The following FAM13C variants were observed in gnomAD, a reference collection of about 807,000 sequenced individuals.
FAM13C encodes protein FAM13C.
Under a neutral mutation model 73.2 loss-of-function variants are expected in FAM13C, and 37 were observed. The ratio of observed to expected loss-of-function variants is 0.51; its 90% CI spans 0.39 to 0.67. The LOEUF (loss-of-function observed/expected upper bound fraction) is 0.67, where lower values mean the gene tolerates loss of function less well. Ranked by LOEUF, FAM13C falls within the 30% of genes least tolerant of loss-of-function variation. The pLI is 0.00. For synonymous variants in FAM13C, 246 were observed against 260.9 expected (o/e 0.94, Z 0.55); for missense variants, 589 against 715.6 (o/e 0.82, Z 2.02).
chr10:59,338,555 G>A (rs2134157780), intron 3 of FAM13C, among the ~76,000 whole-genome samples: 1 of 152,302 alleles, frequency 6.6e-6, no homozygotes, highest in Non-Finnish European at 1.5e-5. Context: ...ATGATTTTGA[G>A]AAAGTCAGGC....
chr10:59,267,155 G>A (rs1267198238), intron 8 of FAM13C, among the ~76,000 whole-genome samples: 1 of 152,190 alleles, frequency 6.6e-6, no homozygotes, highest in Non-Finnish European at 1.5e-5. Flanking sequence ...GTTAACAGGT[G>A]CTGGGAATGG....
chr10:59,350,046 T>C (rs1854826792), intron 3 of FAM13C, among the ~76,000 whole-genome samples: 1 of 152,202 alleles, frequency 6.6e-6, no homozygotes, highest in Non-Finnish European at 1.5e-5. Flanking sequence ...ATACATTCAA[T>C]AATAATCTGT....
In FAM13C at chr10:59,345,032, C is replaced by T. The variant is rs58920106; in HGVS notation, c.324+7238G>A. 7.6e-3 allele frequency among the ~76,000 whole-genome samples: 1,154 copies of T among 152,144 alleles called. 21 individuals carry two copies. The highest frequency in any genetic ancestry group is 0.026 in the African/African-American group (1,083 of 41,492). On this transcript the variant is annotated intron_variant, in intron 3 of 13. Coordinates refer to ENST00000618804, the MANE Select transcript of FAM13C (RefSeq NM_198215.4). Reference sequence around the variant, plus strand: ...CTCTTTGGAACTATATAGGAAAAACCGTAAATTCTTTAAATTAGAATTTAT... The same window carrying T: ...CTCTTTGGAACTATATAGGAAAAACTGTAAATTCTTTAAATTAGAATTTAT...
rs750307418 is a variant in FAM13C at position 59,352,484 on chromosome 10, G to A, written c.120-10C>T. 5 of 1,591,220 alleles carry A rather than the reference G, an allele frequency of 3.1e-6. No homozygotes were observed. The East Asian group carries it at 1.1e-4, about 36-fold the overall frequency. On this transcript the variant is annotated splice_polypyrimidine_tract_variant and intron_variant, in intron 2 of 13. Transcript: ENST00000618804. ...TTTATTGTTTTCATCTCTAAAACAG[G>A]AAAGACCCAATTTAGAAAGTACCTT...
intron 3 of FAM13C, among the ~76,000 whole-genome samples, chr10:59,342,272 T>C (rs1186784831): frequency 1.3e-5 from 2 of 151,996 alleles, no homozygotes; most frequent in Admixed American, 1.3e-4. Flanking sequence ...GTTTGAACAC[T>C]AAAAATAAAA....
intron 4 of FAM13C, among the ~76,000 whole-genome samples, chr10:59,305,423 T>C (rs1019345936): frequency 2.0e-5 from 3 of 152,354 alleles, no homozygotes; most frequent in African/African-American, 7.2e-5. Flanking sequence ...GTTATCTTAA[T>C]GAATAAGAGA....
chr10:59,295,309 CAG>C (rs1846775507), intron 5 of FAM13C, among the ~76,000 whole-genome samples: 3 of 152,204 alleles, frequency 2.0e-5, no homozygotes, highest in South Asian at 4.1e-4. Flanking sequence ...TTAAAATGCA[CAG>C]AGTTTCTTCC....
At chr10:59,307,282 GT>G (rs1380484243) in intron 4 of FAM13C, among the ~76,000 whole-genome samples, 1 of 152,120 alleles carries the variant, frequency 6.6e-6, no homozygotes, top group East Asian at 1.9e-4. Flanking sequence ...ATAAGGTCAT[GT>G]GGGCAGATTC....
At chr10:59,356,649 C>T (rs1855742982) in intron 1 of FAM13C, among the ~76,000 whole-genome samples, 1 of 152,202 alleles carries the variant, frequency 6.6e-6, no homozygotes, top group African/African-American at 2.4e-5. Context: ...GTTTCCCCAG[C>T]TCTGTACCTT....
intron 12 of FAM13C, 39 bp downstream of exon 12, chr10:59,252,760 G>T (rs1841517593): frequency 6.3e-7 from 1 of 1,590,850 alleles, no homozygotes; most frequent in Non-Finnish European, 8.6e-7. Context: ...AGACCAGAAG[G>T]AGTTAAGAGG....
At chr10:59,341,412 G>C (rs928808843) in intron 3 of FAM13C, among the ~76,000 whole-genome samples, 2 of 152,186 alleles carry the variant, frequency 1.3e-5, no homozygotes, top group Non-Finnish European at 2.9e-5. Context: ...CCCTGGCCAG[G>C]CGCAGTGGCT....
intron 3 of FAM13C, among the ~76,000 whole-genome samples, chr10:59,336,778 G>C (rs1017243130): frequency 1.8e-4 from 27 of 152,186 alleles, no homozygotes; most frequent in African/African-American, 6.5e-4. Context: ...TAAAAGTTCA[G>C]TCTCCTCAGC....
intron 1 of FAM13C, 59 bp downstream of exon 1, chr10:59,362,340 C>T (rs767483690): frequency 3.0e-5 from 47 of 1,591,068 alleles, no homozygotes; most frequent in Admixed American, 2.3e-4. Flanking sequence ...GATACCTTCA[C>T]GATAGTTGCT....
At chr10:59,256,149 C>A (rs1841927888) in intron 10 of FAM13C, among the ~76,000 whole-genome samples, 1 of 151,918 alleles carries the variant, frequency 6.6e-6, no homozygotes, top group African/African-American at 2.4e-5. Flanking sequence ...GAAAAAAAAC[C>A]CAACAAGTTC....
chr10:59,248,826 C>T (rs898067781), intron 13 of FAM13C, among the ~76,000 whole-genome samples: 3 of 152,162 alleles, frequency 2.0e-5, no homozygotes, highest in Non-Finnish European at 4.4e-5. Context: ...ATAGTATCTA[C>T]TTGTATTTCA....
chr10:59,309,682 T>C (rs187358273), intron 4 of FAM13C, among the ~76,000 whole-genome samples: 123 of 152,376 alleles, frequency 8.1e-4, no homozygotes, highest in African/African-American at 2.8e-3. Context: ...GATCTTCTAC[T>C]TTCTGCTATG....
At chr10:59,275,415 A>T (rs1471608432) in intron 6 of FAM13C, among the ~76,000 whole-genome samples, 1 of 152,186 alleles carries the variant, frequency 6.6e-6, no homozygotes, top group East Asian at 1.9e-4. Flanking sequence ...CATCAAGAGC[A>T]GTGTCAGACA....
At chr10:59,285,265 A>C (rs1044667988) in intron 5 of FAM13C, among the ~76,000 whole-genome samples, 1 of 152,094 alleles carries the variant, frequency 6.6e-6, no homozygotes, top group Admixed American at 6.6e-5. Context: ...TTCCTCCTCC[A>C]TTCTGGGAAG....
intron 3 of FAM13C, among the ~76,000 whole-genome samples, chr10:59,345,667 C>T (rs1349964832): frequency 6.6e-6 from 1 of 152,182 alleles, no homozygotes; most frequent in Admixed American, 6.5e-5. Flanking sequence ...TTTGACTCAG[C>T]TAATCTCACT....
Sources: gnomAD v4.1 joint callset for allele counts (sites outside exome capture counted in the v4.1 genomes callset) on GRCh38, gnomAD v4.1.1 for gene constraint, MANE v1.5 for transcripts, NCBI Gene and HGNC (gene_info 2026-07-23, HGNC 2026-07-21) for gene names.